Variants in PHF21A observed in about 807,000 individuals in gnomAD.
PHF21A encodes the protein BHC80a.
A neutral mutation model predicts 82.5 loss-of-function variants in PHF21A; 11 were observed. That is an observed-to-expected ratio of 0.13 (90% confidence interval 0.08 to 0.22). The LOEUF is 0.22. Ranked by LOEUF, PHF21A falls within the 10% of genes least tolerant of loss-of-function variation. The probability of loss-of-function intolerance (pLI) is 1.00; values close to 1 mark genes in which losing one functional copy is unlikely to be tolerated. For synonymous variants in PHF21A, 297 were observed against 302.8 expected (o/e 0.98, Z 0.20); for missense variants, 579 against 837.8 (o/e 0.69, Z 3.81).
intron 6 of PHF21A, among the ~76,000 whole-genome samples, chr11:46,043,563 C>G (rs564440420): frequency 1.3e-5 from 2 of 151,944 alleles, no homozygotes; most frequent in African/African-American, 2.4e-5. Context: ...GTGATAAAGA[C>G]GAGCTCTGCC....
intron 1 of PHF21A, among the ~76,000 whole-genome samples, chr11:46,093,916 T>C (rs1200999744): frequency 6.6e-6 from 1 of 152,146 alleles, no homozygotes; most frequent in Non-Finnish European, 1.5e-5. Flanking sequence ...AATATTACCA[T>C]TTTAAAATAT....
At chr11:46,019,412 T>A (rs1047392972) in intron 6 of PHF21A, among the ~76,000 whole-genome samples, 1 of 152,168 alleles carries the variant, frequency 6.6e-6, no homozygotes. Context: ...AAAAATAAGA[T>A]GGGCTTTTAT....
At chr11:45,974,704 C>G (rs375180158) in intron 7 of PHF21A, among the ~76,000 whole-genome samples, 1 of 152,028 alleles carries the variant, frequency 6.6e-6, no homozygotes, top group African/African-American at 2.4e-5. Context: ...CCTCCCACAT[C>G]GGCCTCCCAA....
intron 11 of PHF21A, among the ~76,000 whole-genome samples, chr11:45,952,294 T>G (rs1193839081): frequency 3.3e-5 from 5 of 152,054 alleles, no homozygotes. Context: ...TAGGCTGGAG[T>G]GCAGTGGCAC....
intron 1 of PHF21A, chr11:46,119,672 C>T (rs1294735159): frequency 6.6e-6 from 1 of 151,786 alleles, no homozygotes; most frequent in African/African-American, 2.4e-5. Context: ...CCTCCGGTGC[C>T]CAATCTCGAT....
At position 45,971,905 on chromosome 11, in the gene PHF21A, T is replaced by TTTTTTTTTTTTTTTTTTTTTTTTTTC. The variant is rs1452859819; in HGVS notation, c.361-539_361-538insGAAAAAAAAAAAAAAAAAAAAAAAAA. On this transcript the variant is annotated intron_variant, in intron 7 of 18. Transcript: ENST00000676320. ...CTTTTTCTTTCTTTTTTTTTTTTTT[T>TTTTTTTTTTTTTTTTTTTTTTTTTTC]ATGGTGTCACCCTGGAGAGAAGGAA... Among the ~76,000 whole-genome samples the TTTTTTTTTTTTTTTTTTTTTTTTTTC allele has an allele frequency of 2.2e-5, 2 of 89,940 alleles. 1 individual carries two copies. The highest frequency in any genetic ancestry group is 4.4e-5 in the Non-Finnish European group (2 of 45,210). The allele number at this position is 89,940 out of a possible 152,430, so 59.0% of individuals were successfully genotyped here. A position where few individuals can be genotyped will look rare whatever the true frequency, so the allele number is the denominator to read the frequency against.
chr11:46,078,358 CAGATAT>C (rs959498416), intron 5 of PHF21A, among the ~76,000 whole-genome samples: 8 of 152,084 alleles, frequency 5.3e-5, no homozygotes, highest in South Asian at 2.1e-4. Context: ...TTTATCAACC[CAGATAT>C]AGATATAGAT....
At chr11:46,091,557 A>G (rs534034226) in intron 2 of PHF21A, among the ~76,000 whole-genome samples, 1 of 152,340 alleles carries the variant, frequency 6.6e-6, no homozygotes, top group African/African-American at 2.4e-5. Context: ...TCAGACATGA[A>G]GCTAACTAAT....
intron 14 of PHF21A, 117 bp downstream of exon 14, chr11:45,948,769 C>T: frequency 2.6e-6 from 2 of 779,984 alleles, no homozygotes; most frequent in Admixed American, 3.8e-5. Context: ...AACAACAAAA[C>T]TATTTTCAAA....
intron 6 of PHF21A, among the ~76,000 whole-genome samples, chr11:46,031,913 G>A (rs781233674): frequency 3.9e-5 from 6 of 152,146 alleles, no homozygotes; most frequent in Non-Finnish European, 8.8e-5. Context: ...CAGGTACAAG[G>A]AACTGGATTG....
At chr11:45,943,132 T>C (rs2135307119) in intron 15 of PHF21A, among the ~76,000 whole-genome samples, 1 of 147,752 alleles carries the variant, frequency 6.8e-6, no homozygotes, top group African/African-American at 2.5e-5. Context: ...TTTTTTTTTT[T>C]TTTTTTTTGA....
chr11:46,084,780 C>T (rs1295598691), intron 3 of PHF21A, among the ~76,000 whole-genome samples: 1 of 151,706 alleles, frequency 6.6e-6, no homozygotes, highest in Non-Finnish European at 1.5e-5. Context: ...CCCAGGTTCA[C>T]GCCATTCTCC....
rs548932537 is a variant in PHF21A, at chr11:46,062,247, C to T, written c.153+14507G>A. Among the ~76,000 whole-genome samples, 138 of 152,138 alleles carry T rather than the reference C, an allele frequency of 9.1e-4. 1 individual carries two copies. The highest frequency in any genetic ancestry group is 7.5e-3 in the South Asian group (36 of 4,826). On this transcript the variant is annotated intron_variant, in intron 6 of 18. Coordinates refer to ENST00000676320, the MANE Select transcript of PHF21A (RefSeq NM_001352027.3). ...TATTAATCTGGAATTATATGCCCTT[C>T]GGTTGTGGGACATTTCCTTATATTA...
At chr11:46,105,025 T>C (rs1246433655) in intron 1 of PHF21A, among the ~76,000 whole-genome samples, 3 of 152,352 alleles carry the variant, frequency 2.0e-5, no homozygotes, top group Non-Finnish European at 4.4e-5. Context: ...GTACTTACTA[T>C]GTGTCAGGCA....
At chr11:45,967,421 G>C (rs982536281) in intron 9 of PHF21A, among the ~76,000 whole-genome samples, 17 of 152,110 alleles carry the variant, frequency 1.1e-4, no homozygotes, top group African/African-American at 4.1e-4. Flanking sequence ...TGGGCTTGAG[G>C]GGACCCCATG....
intron 8 of PHF21A, chr11:45,970,737 C>G (rs1236542171): frequency 5.9e-6 from 1 of 170,142 alleles, no homozygotes. Context: ...GGAGTTTTCA[C>G]CAAGGCAGTA....
At chr11:46,060,374 C>T (rs1179228098) in intron 6 of PHF21A, among the ~76,000 whole-genome samples, 1 of 152,060 alleles carries the variant, frequency 6.6e-6, no homozygotes, top group Non-Finnish European at 1.5e-5. Context: ...TGCCAATATT[C>T]TAGTCTCCTC....
At chr11:46,059,677 C>A (rs539399398) in intron 6 of PHF21A, among the ~76,000 whole-genome samples, 1 of 152,276 alleles carries the variant, frequency 6.6e-6, no homozygotes, top group Non-Finnish European at 1.5e-5. Context: ...CTGCCTCAGC[C>A]TCCCAAAGTG....
intron 6 of PHF21A, among the ~76,000 whole-genome samples, chr11:46,062,795 A>G (rs181666044): frequency 2.0e-5 from 3 of 152,228 alleles, no homozygotes; most frequent in African/African-American, 7.2e-5. Context: ...CACCTACTAT[A>G]CAACCCAGAC....
Sources: gnomAD v4.1 joint callset for allele counts (sites outside exome capture counted in the v4.1 genomes callset) on GRCh38, gnomAD v4.1.1 for gene constraint, MANE v1.5 for transcripts, NCBI Gene and HGNC (gene_info 2026-07-23, HGNC 2026-07-21) for gene names.